Variants in DCLK2 observed in about 807,000 individuals in gnomAD.
The protein encoded by DCLK2 is doublecortin like kinase 2, also known as serine/threonine-protein kinase DCLK2.
DCLK2 carries 31 observed loss-of-function variants against 78.4 expected under a neutral mutation model. The ratio of observed to expected loss-of-function variants is 0.40; its 90% CI spans 0.30 to 0.53. The LOEUF (loss-of-function observed/expected upper bound fraction) is 0.53. Among genes scored for constraint, DCLK2 ranks in the 20% least tolerant of loss-of-function variants. The pLI is 0.61. For missense variants in DCLK2, 872 were observed against 973.7 expected (o/e 0.90, Z 1.39); for synonymous variants, 407 against 374.9 (o/e 1.09, Z -0.99).
intron 1 of DCLK2, 50 bp from the exon 2 acceptor site, chr4:150,102,428 C>T: frequency 4.5e-6 from 7 of 1,561,262 alleles, no homozygotes; most frequent in Non-Finnish European, 6.1e-6. Context: ...AGACCAAATG[C>T]TTCTATGATA....
At chr4:150,236,712 A>G (rs1356794693) in intron 10 of DCLK2, among the ~76,000 whole-genome samples, 2 of 152,216 alleles carry the variant, frequency 1.3e-5, no homozygotes, top group African/African-American at 4.8e-5. Flanking sequence ...ACAGTCTCTC[A>G]CTAAGATTTG....
chr4:150,174,490 C>T (rs767326282), intron 2 of DCLK2, among the ~76,000 whole-genome samples: 4 of 152,146 alleles, frequency 2.6e-5, no homozygotes, highest in African/African-American at 2.4e-5. Flanking sequence ...TTCATGCAAC[C>T]GTGAGCTACT....
intron 5 of DCLK2, among the ~76,000 whole-genome samples, chr4:150,213,726 G>T (rs1004609399): frequency 1.3e-5 from 2 of 152,120 alleles, no homozygotes; most frequent in African/African-American, 4.8e-5. Flanking sequence ...TGAATTACAG[G>T]AATGTTACTC....
At chr4:150,093,982 A>G (rs1261518675) in intron 1 of DCLK2, among the ~76,000 whole-genome samples, 1 of 152,234 alleles carries the variant, frequency 6.6e-6, no homozygotes, top group Non-Finnish European at 1.5e-5. Flanking sequence ...TCTTCAACAA[A>G]TGGTGTTGGG....
chr4:150,187,143 A>C (rs1247970664), intron 2 of DCLK2, among the ~76,000 whole-genome samples: 7 of 152,080 alleles, frequency 4.6e-5, no homozygotes, highest in Admixed American at 2.6e-4. Context: ...CTTTAAGTCA[A>C]ATCTTTCTTA....
intron 5 of DCLK2, among the ~76,000 whole-genome samples, chr4:150,215,172 C>T (rs1025031316): frequency 2.0e-5 from 3 of 152,032 alleles, no homozygotes; most frequent in African/African-American, 7.2e-5. Flanking sequence ...TGCTCTGACA[C>T]CAAAAAAAAC....
At chr4:150,253,322 C>T in intron 15 of DCLK2, 1 of 753,016 alleles carries the variant, frequency 1.3e-6, no homozygotes, top group Non-Finnish European at 2.1e-6. Context: ...AGATAACTTA[C>T]AGACAGGACC....
At chr4:150,154,294 C>G (rs536071263) in intron 2 of DCLK2, among the ~76,000 whole-genome samples, 2 of 152,196 alleles carry the variant, frequency 1.3e-5, no homozygotes, top group Admixed American at 1.3e-4. Flanking sequence ...AGACTGTGAG[C>G]TCCTTGAAAT....
chr4:150,176,888 T>C (rs1393379852), intron 2 of DCLK2, among the ~76,000 whole-genome samples: 1 of 152,208 alleles, frequency 6.6e-6, no homozygotes, highest in Non-Finnish European at 1.5e-5. Flanking sequence ...TACAGACAAC[T>C]TCCCTTACTT....
rs761766445 is a variant in DCLK2, at chr4:150,198,058, T to A, written c.916T>A (p.Ser306Thr). 1.9e-6 allele frequency: 3 copies of A among 1,614,034 alleles called. No homozygotes were observed. Among genetic ancestry groups the A allele is most frequent in the Non-Finnish European group, 2.5e-6 (3 of 1,179,996 alleles). ...SRSSAVKYSGSKSPGPSRRSK... is the reference protein window; with the variant it reads ...SRSSAVKYSGTKSPGPSRRSK... Reference sequence around the variant, plus strand: ...ATCCTCAGCTGTTAAGTATTCTGGATCCAAAAGCCCTGGGCCCTCTCGACG... The same window carrying A: ...ATCCTCAGCTGTTAAGTATTCTGGAACCAAAAGCCCTGGGCCCTCTCGACG... The change falls in exon 4 of 16, where the codon TCC becomes ACC. Residue 306 changes from serine to threonine, a missense_variant. Around this residue, in one of 3 missense-constraint regions of DCLK2, gnomAD observed 567 missense variants for 593.4 expected, o/e 0.96. Transcript: ENST00000296550.
intron 1 of DCLK2, among the ~76,000 whole-genome samples, chr4:150,099,521 T>C (rs1046027950): frequency 3.3e-5 from 5 of 152,326 alleles, no homozygotes; most frequent in Non-Finnish European, 5.9e-5. Context: ...CAAGCTAGCT[T>C]GGGTACCTTG....
At chr4:150,199,697 A>C (rs3925117) in intron 4 of DCLK2, among the ~76,000 whole-genome samples, 70,208 of 152,096 alleles carry the variant, frequency 0.46, 17,828 homozygotes, top group Non-Finnish European at 0.59. Flanking sequence ...TATTAACCTT[A>C]TTTCAAATTG....
At chr4:150,091,486 A>G (rs1025230400) in intron 1 of DCLK2, among the ~76,000 whole-genome samples, 2 of 152,028 alleles carry the variant, frequency 1.3e-5, no homozygotes, top group Admixed American at 1.3e-4. Context: ...AGATTTGTAA[A>G]TAAGTTTTCC....
intron 8 of DCLK2, among the ~76,000 whole-genome samples, chr4:150,225,568 G>A (rs958637067): frequency 3.3e-5 from 5 of 152,220 alleles, no homozygotes; most frequent in African/African-American, 1.2e-4. Context: ...GCACTTGAAT[G>A]TAGCGAGTCT....
chr4:150,186,628 C>G (rs1210110880), intron 2 of DCLK2, among the ~76,000 whole-genome samples: 1 of 152,162 alleles, frequency 6.6e-6, no homozygotes, highest in African/African-American at 2.4e-5. Context: ...GTAGTACATT[C>G]CTTGGTGAGA....
At chr4:150,118,721 A>G (rs1299355631) in intron 2 of DCLK2, among the ~76,000 whole-genome samples, 1 of 152,132 alleles carries the variant, frequency 6.6e-6, no homozygotes, top group African/African-American at 2.4e-5. Context: ...TTTGTTGGCC[A>G]GGCACAGTGG....
intron 2 of DCLK2, among the ~76,000 whole-genome samples, chr4:150,119,982 G>A (rs1732401895): frequency 6.6e-6 from 1 of 152,160 alleles, no homozygotes; most frequent in Admixed American, 6.5e-5. Context: ...TTTGGTCATG[G>A]CTAACTTCTG....
intron 1 of DCLK2, among the ~76,000 whole-genome samples, chr4:150,100,400 A>G (rs1438281918): frequency 2.0e-5 from 3 of 152,204 alleles, no homozygotes; most frequent in South Asian, 2.1e-4. Context: ...GGATATGTCA[A>G]CTGTGTAGAA....
chr4:150,123,782 C>CT (rs1196268463), intron 2 of DCLK2, among the ~76,000 whole-genome samples: 6 of 152,118 alleles, frequency 3.9e-5, no homozygotes, highest in African/African-American at 1.4e-4. Context: ...TGGCTCATGC[C>CT]TGTAATCCCA....
Sources: allele counts gnomAD v4.1 joint callset (sites outside exome capture counted in the v4.1 genomes callset), GRCh38; gene constraint gnomAD v4.1.1; regional missense constraint gnomAD v4.1.1; transcripts MANE v1.5; gene names NCBI Gene and HGNC (gene_info 2026-07-23, HGNC 2026-07-21).